The following CEMIP2 variants were observed in gnomAD, a reference collection of about 807,000 sequenced individuals.
CEMIP2 encodes cell migration inducing hyaluronidase 2.
A neutral mutation model predicts 146.9 loss-of-function variants in CEMIP2; 79 were observed. That is an observed-to-expected ratio of 0.54 (90% CI 0.45 to 0.65). The LOEUF is 0.65. CEMIP2 is among the 30% of genes least tolerant of loss of function. CEMIP2 has a pLI of 0.00. For synonymous variants in CEMIP2, 601 were observed against 606.3 expected, an observed-to-expected ratio of 0.99 and a Z score of 0.13; for missense variants, 1,596 against 1,696.2, an observed-to-expected ratio of 0.94 and a Z score of 1.04.
chr9:71,715,959 A>G (rs1035700132), intron 14 of CEMIP2, among the ~76,000 whole-genome samples: 6 of 152,084 alleles, frequency 3.9e-5, no homozygotes, highest in African/African-American at 1.4e-4. Context: ...TACAAATTAT[A>G]TATAAACAAA....
chr9:71,745,261 GA>G lies in CEMIP2; in HGVS notation c.790del (p.Ser264ProfsTer6). The G allele has an allele frequency of 6.2e-7, 1 of 1,614,032 alleles. No homozygotes were observed. The highest frequency in any genetic ancestry group is 8.5e-7 in the Non-Finnish European group (1 of 1,179,998). ...AATGACCCTCACATTGAGGCCCCGG[GA>G]AAAGTCCTTTTCAAAGGTATAGGAC... Reference protein sequence around the residue: ...FGSYTFEKDFSRGLNVRVIDQ... With the variant: ...FGSYTFEKDFXRGLNVRVIDQ... On this transcript the variant is annotated frameshift_variant, in exon 4 of 24. Coordinates refer to ENST00000377044, the MANE Select transcript of CEMIP2 (RefSeq NM_013390.3). LOFTEE classifies it high-confidence loss of function.
chr9:71,722,654 T>TAAA (rs11385294), intron 11 of CEMIP2, 139 bp from the exon 12 acceptor site: 164 of 449,568 alleles, frequency 3.6e-4, no homozygotes, highest in Middle Eastern at 3.1e-3. Context: ...AAAGGTACTG[T>TAAA]AAAAAAAAAA....
intron 11 of CEMIP2, 55 bp downstream of exon 11, chr9:71,725,526 T>C (rs1423770974): frequency 1.3e-6 from 2 of 1,557,450 alleles, no homozygotes; most frequent in Non-Finnish European, 1.7e-6. Flanking sequence ...ATCACAATAG[T>C]TCATCCTTTA....
intron 10 of CEMIP2, among the ~76,000 whole-genome samples, chr9:71,728,292 T>A (rs1232770170): frequency 1.2e-4 from 3 of 24,892 alleles, no homozygotes; most frequent in Non-Finnish European, 1.9e-4. Context: ...TATATATATA[T>A]ATATATATAC....
intron 5 of CEMIP2, 44 bp downstream of exon 5, chr9:71,740,019 A>T: frequency 5.7e-6 from 9 of 1,566,986 alleles, no homozygotes; most frequent in Non-Finnish European, 7.8e-6. Flanking sequence ...ATCTGTCATA[A>T]TACTTATCAG....
chr9:71,718,024 C>A lies in CEMIP2; in HGVS notation c.2323G>T (p.Asp775Tyr). Reference sequence around the variant, plus strand: ...TTATTTTTAAAAGCAATGAGCCTGTCAATTAGAGCAGCAACACGTGGTTTT... The same window carrying A: ...TTATTTTTAAAAGCAATGAGCCTGTAAATTAGAGCAGCAACACGTGGTTTT... ...PEKPRVAALI[D>Y]RLIAFKNNDN... Residue 775 changes from aspartate (D) to tyrosine (Y), a missense_variant, in exon 13 of 24, where the codon GAC becomes TAC. By Grantham distance (160) the Asp-to-Tyr change is radical. Transcript: ENST00000377044. The A allele has an allele frequency of 6.2e-7, 1 of 1,613,070 alleles. No individual in the cohort carries two copies. The highest frequency in any genetic ancestry group is 8.5e-7 in the Non-Finnish European group (1 of 1,179,468).
In CEMIP2 at chr9:71,730,111, A is replaced by G. The variant is rs750743543; in HGVS notation, c.1916T>C (p.Met639Thr). 1.6e-5 allele frequency: 26 copies of G among 1,614,050 alleles called. No homozygotes were observed. Among genetic ancestry groups the G allele is most frequent in the Non-Finnish European group, 2.1e-5 (25 of 1,180,056 alleles). Residue 639 changes from methionine to threonine, a missense_variant, in exon 9 of 24, where the codon ATG becomes ACG. Transcript: ENST00000377044. ...CACTTTATCTCGCATGGTGGTACAC[A>G]TGGAGTTGTTCCTATCGGTGGGCAG... ...TLLPTDRNNSMCTTMRDKVFG... is the reference protein window; with the variant it reads ...TLLPTDRNNSTCTTMRDKVFG...
intron 1 of CEMIP2, among the ~76,000 whole-genome samples, chr9:71,751,718 C>T (rs1233074392): frequency 6.6e-6 from 1 of 152,126 alleles, no homozygotes; most frequent in African/African-American, 2.4e-5. Context: ...TTATTCTAAG[C>T]TCTTCAAATT....
At chr9:71,709,516 C>T (rs1822847233) in intron 16 of CEMIP2, 42 bp from the exon 17 acceptor site, 3 of 1,544,816 alleles carry the variant, frequency 1.9e-6, no homozygotes, top group Non-Finnish European at 2.7e-6. Context: ...AGTGAGGGCT[C>T]CTGCTATCTC....
intron 1 of CEMIP2, among the ~76,000 whole-genome samples, chr9:71,765,006 A>G (rs368147817): frequency 5.3e-5 from 8 of 152,070 alleles, no homozygotes; most frequent in Admixed American, 3.9e-4. Context: ...AGAGGGGAGA[A>G]TGGATGTTAC....
intron 2 of CEMIP2, among the ~76,000 whole-genome samples, chr9:71,746,994 A>T (rs1447973618): frequency 2.0e-5 from 3 of 152,242 alleles, no homozygotes; most frequent in Non-Finnish European, 2.9e-5. Flanking sequence ...GTGATACGCA[A>T]GTTTCCCCTT....
intron 5 of CEMIP2, 78 bp downstream of exon 5, chr9:71,739,985 T>C: frequency 7.4e-7 from 1 of 1,356,728 alleles, no homozygotes; most frequent in Non-Finnish European, 1.0e-6. Context: ...CATTTGAACA[T>C]AATACTATTC....
At chr9:71,720,972 A>ATTGTT (rs944977454) in intron 12 of CEMIP2, among the ~76,000 whole-genome samples, 1 of 152,184 alleles carries the variant, frequency 6.6e-6, no homozygotes, top group Non-Finnish European at 1.5e-5. Context: ...TTATGAGTAA[A>ATTGTT]TTGTTTTATT....
At chr9:71,695,713 C>A (rs1398030283) in intron 20 of CEMIP2, among the ~76,000 whole-genome samples, 1 of 151,994 alleles carries the variant, frequency 6.6e-6, no homozygotes, top group Non-Finnish European at 1.5e-5. Flanking sequence ...TCAAAATGAT[C>A]CCAAGTCGGA....
intron 1 of CEMIP2, among the ~76,000 whole-genome samples, chr9:71,755,333 GACACCCTGTCTCTACACAC>G (rs1824398058): frequency 1.7e-5 from 2 of 117,206 alleles, no homozygotes; most frequent in East Asian, 2.4e-4. Flanking sequence ...AACCTAGTGA[GACACCCTGTCTCTACACAC>G]ACACACACAC....
Position 71,690,242 on chromosome 9 carries a change from T to C in CEMIP2, c.3701A>G (p.Asn1234Ser). 2 of 1,613,586 alleles carry C rather than the reference T, an allele frequency of 1.2e-6. No homozygotes were observed. Among genetic ancestry groups the C allele is most frequent in the East Asian group, 2.2e-5 (1 of 44,860 alleles). ...ACTTCGGAAGGTAAAGTCAGTGCCATTGACCTGAGAATGCAAAAACATCTT... is the reference window on the plus strand; with the variant it reads ...ACTTCGGAAGGTAAAGTCAGTGCCACTGACCTGAGAATGCAAAAACATCTT... Reference protein sequence around the residue: ...QRGDPSVISVNGTDFTFRSAG... With the variant: ...QRGDPSVISVSGTDFTFRSAG... The change falls in exon 22 of 24, where the codon AAT (asparagine) becomes AGT (serine). Residue 1234 changes from asparagine (N) to serine (S), a missense_variant. Asn to Ser is a conservative substitution (Grantham distance 46). Transcript: ENST00000377044.
chr9:71,701,774 A>G (rs1822569258), intron 18 of CEMIP2, among the ~76,000 whole-genome samples: 2 of 151,996 alleles, frequency 1.3e-5, no homozygotes, highest in African/African-American at 4.8e-5. Flanking sequence ...ACTTTTTATC[A>G]TTTTCTCTCT....
chr9:71,767,132 C>T (rs1263382417), intron 1 of CEMIP2, among the ~76,000 whole-genome samples: 1 of 152,182 alleles, frequency 6.6e-6, no homozygotes, highest in Non-Finnish European at 1.5e-5. Flanking sequence ...CTTCAAGGGT[C>T]AAATAAGCAT....
At chr9:71,757,089 T>C (rs943772351) in intron 1 of CEMIP2, among the ~76,000 whole-genome samples, 7 of 152,174 alleles carry the variant, frequency 4.6e-5, no homozygotes, top group Admixed American at 2.6e-4. Flanking sequence ...TTGAGGACAC[T>C]TGCCCCCTAG....
Sources: allele counts gnomAD v4.1 joint callset (sites outside exome capture counted in the v4.1 genomes callset), GRCh38; gene constraint gnomAD v4.1.1; transcripts MANE v1.5; gene names NCBI Gene and HGNC (gene_info 2026-07-23, HGNC 2026-07-21).